Variants in KCNK10 observed in about 807,000 individuals in gnomAD.
KCNK10 encodes the protein potassium channel subfamily K member 10.
KCNK10 carries 25 observed loss-of-function variants against 47.7 expected under a neutral mutation model. The ratio of observed to expected loss-of-function variants is 0.52; its 90% CI spans 0.38 to 0.73. KCNK10 has a LOEUF of 0.73. Ranked by LOEUF, KCNK10 falls within the 30% of genes least tolerant of loss-of-function variation. The pLI, the probability that KCNK10 is intolerant of heterozygous loss-of-function variation, is 0.00. For synonymous variants in KCNK10, 303 were observed against 285.6 expected, an observed-to-expected ratio of 1.06 and a Z score of -0.61; for missense variants, 563 against 714.5, an observed-to-expected ratio of 0.79 and a Z score of 2.42.
upstream of KCNK10, among the ~76,000 whole-genome samples, chr14:88,324,003 G>A (rs908552343): frequency 1.3e-5 from 2 of 152,216 alleles, no homozygotes; most frequent in African/African-American, 4.8e-5. Context: ...TCGCTCCCAA[G>A]GCACAGCTTG....
At chr14:88,305,567 G>A (rs1034828402) in intron 1 of KCNK10, among the ~76,000 whole-genome samples, 1 of 152,142 alleles carries the variant, frequency 6.6e-6, no homozygotes, top group Non-Finnish European at 1.5e-5. Flanking sequence ...TAGCCTGCCT[G>A]AGAGGTTGAG....
At chr14:88,268,974 C>A (rs369186788) in intron 1 of KCNK10, among the ~76,000 whole-genome samples, 1 of 152,130 alleles carries the variant, frequency 6.6e-6, no homozygotes, top group African/African-American at 2.4e-5. Context: ...CCCAGCTCTA[C>A]TAAAAATACA....
chr14:88,195,424 A>C lies in KCNK10; in HGVS notation c.682-3014T>G, dbSNP rs1191692654. On this transcript the variant is annotated intron_variant, in intron 4 of 6. Coordinates refer to ENST00000319231, the MANE Select transcript of KCNK10 (RefSeq NM_138317.3). ...ACAGGCCATTTTAATGTAAATGCTCAAATTTTTCCTTAGACGTAGACAGTC... is the reference window on the plus strand; with the variant it reads ...ACAGGCCATTTTAATGTAAATGCTCCAATTTTTCCTTAGACGTAGACAGTC... Among the ~76,000 whole-genome samples the C allele has an allele frequency of 5.3e-5, 8 of 152,240 alleles. No homozygotes were observed. The South Asian group carries it at 1.7e-3, about 32-fold the overall frequency.
At chr14:88,268,115 C>T (rs1887313430) in intron 1 of KCNK10, among the ~76,000 whole-genome samples, 1 of 152,060 alleles carries the variant, frequency 6.6e-6, no homozygotes, top group African/African-American at 2.4e-5. Flanking sequence ...TAAGTCTGAC[C>T]CCTGGAAAAG....
Position 88,183,594 on chromosome 14 carries a change from C to T in KCNK10, c.*1941G>A, listed in dbSNP as rs1595066228. 1 of 152,444 alleles carries T rather than the reference C, an allele frequency of 6.6e-6. No individual in the cohort carries two copies. Among genetic ancestry groups the T allele is most frequent in the African/African-American group, 2.4e-5 (1 of 41,554 alleles). 9.4% of individuals were successfully genotyped at this position (152,444 alleles called of 1,614,324 possible). On this transcript the variant is annotated 3_prime_UTR_variant, in exon 7 of 7. Transcript: ENST00000319231. ...CCCAAGTGACTATTTATTACTGAGTCGACACAGGATGTCACCAGTGAGCCT... is the reference window on the plus strand; with the variant it reads ...CCCAAGTGACTATTTATTACTGAGTTGACACAGGATGTCACCAGTGAGCCT...
chr14:88,289,929 G>A (rs529676947), intron 1 of KCNK10, among the ~76,000 whole-genome samples: 1 of 152,234 alleles, frequency 6.6e-6, no homozygotes, highest in African/African-American at 2.4e-5. Flanking sequence ...ATCTATTTTG[G>A]CATAAGCATT....
upstream of KCNK10, chr14:88,323,583 G>C (rs1374892502): frequency 6.6e-6 from 1 of 151,232 alleles, no homozygotes; most frequent in Non-Finnish European, 1.5e-5. Context: ...GGCGGGAGGC[G>C]GTGGGCGGTG....
chr14:88,188,746 GGCC>G (rs1413122714), intron 5 of KCNK10, among the ~76,000 whole-genome samples: 2 of 152,160 alleles, frequency 1.3e-5, no homozygotes, highest in Non-Finnish European at 2.9e-5. Context: ...GGACCTTTGA[GGCC>G]AATCCCTTTA....
At chr14:88,251,007 G>A (rs1312801840) in intron 2 of KCNK10, among the ~76,000 whole-genome samples, 2 of 151,956 alleles carry the variant, frequency 1.3e-5, no homozygotes, top group Non-Finnish European at 2.9e-5. Context: ...GGCCGAGGTG[G>A]GCAGATCACA....
intron 4 of KCNK10, among the ~76,000 whole-genome samples, chr14:88,210,722 C>T (rs550209750): frequency 1.1e-4 from 17 of 151,836 alleles, no homozygotes; most frequent in Non-Finnish European, 2.1e-4. Context: ...AGCCTCTCCA[C>T]TTAGTCCCCA....
chr14:88,294,689 T>C (rs1392843113), intron 1 of KCNK10, among the ~76,000 whole-genome samples: 1 of 152,200 alleles, frequency 6.6e-6, no homozygotes, highest in East Asian at 1.9e-4. Context: ...CCACAAGAGA[T>C]TCTGGCTGGT....
chr14:88,306,697 G>A (rs1191827495), intron 1 of KCNK10, among the ~76,000 whole-genome samples: 1 of 151,998 alleles, frequency 6.6e-6, no homozygotes, highest in Non-Finnish European at 1.5e-5. Context: ...AGGGGGCATG[G>A]GGTAGGAGGG....
At chr14:88,326,190 C>CCCCCCCCCG (rs79450402), upstream of KCNK10, among the ~76,000 whole-genome samples, 1 of 134,162 alleles carries the variant, frequency 7.5e-6, no homozygotes, top group African/African-American at 2.9e-5. Flanking sequence ...CGCCCCCCCC[C>CCCCCCCCCG]AAAAAAAAAT....
intron 1 of KCNK10, among the ~76,000 whole-genome samples, chr14:88,297,096 C>T (rs1888001120): frequency 6.6e-6 from 1 of 152,066 alleles, no homozygotes; most frequent in South Asian, 2.1e-4. Context: ...GGCTCTTGTT[C>T]CAGTTTATCG....
rs979811720 is a variant in KCNK10, at chr14:88,182,260, C to A, written c.*3275G>T. On this transcript the variant is annotated 3_prime_UTR_variant, in exon 7 of 7. Transcript: ENST00000319231. ...CCAGTGAAGCAAAAGACAGCCCCCA[C>A]TGAAGATGGTGGACGTGTGCTCTTT... 1 of 152,194 alleles carries A rather than the reference C, an allele frequency of 6.6e-6. No individual in the cohort carries two copies. Among genetic ancestry groups the A allele is most frequent in the Admixed American group, 6.5e-5 (1 of 15,276 alleles). 9.4% of individuals were successfully genotyped at this position (152,194 alleles called of 1,614,324 possible).
intron 1 of KCNK10, among the ~76,000 whole-genome samples, chr14:88,272,376 C>T (rs1243802228): frequency 1.3e-5 from 2 of 151,910 alleles, no homozygotes; most frequent in East Asian, 1.9e-4. Flanking sequence ...TCAGTGCCAC[C>T]GAAGAGGAGA....
At chr14:88,215,356 G>T (rs998360085) in intron 4 of KCNK10, among the ~76,000 whole-genome samples, 1 of 152,158 alleles carries the variant, frequency 6.6e-6, no homozygotes, top group African/African-American at 2.4e-5. Context: ...GAGAACGAGT[G>T]TCAAGCAAAG....
chr14:88,252,342 A>G (rs1052176968), intron 2 of KCNK10, among the ~76,000 whole-genome samples: 2 of 152,154 alleles, frequency 1.3e-5, no homozygotes, highest in African/African-American at 4.8e-5. Flanking sequence ...TTTATTCACC[A>G]TTACATCCCA....
At chr14:88,282,050 C>G (rs186404206) in intron 1 of KCNK10, among the ~76,000 whole-genome samples, 1 of 152,070 alleles carries the variant, frequency 6.6e-6, no homozygotes, top group Non-Finnish European at 1.5e-5. Context: ...TTGGTTCACT[C>G]TTATATACCC....
Sources: allele counts gnomAD v4.1 joint callset (sites outside exome capture counted in the v4.1 genomes callset), GRCh38; gene constraint gnomAD v4.1.1; transcripts MANE v1.5; gene names NCBI Gene and HGNC (gene_info 2026-07-23, HGNC 2026-07-21).